MAPRE2: variants seen among roughly 807,000 people sequenced by gnomAD.
MAPRE2 encodes the protein microtubule-associated protein RP/EB family member 2.
Under a neutral mutation model 43.2 loss-of-function variants are expected in MAPRE2, and 13 were observed. That is an observed-to-expected ratio of 0.30 (90% CI 0.20 to 0.48). The LOEUF (loss-of-function observed/expected upper bound fraction) is 0.48, where lower values mean the gene tolerates loss of function less well. Ranked by LOEUF, MAPRE2 falls within the 20% of genes least tolerant of loss-of-function variation. The pLI is 0.99. For synonymous variants in MAPRE2, 135 were observed against 148.8 expected (o/e 0.91, Z 0.68); for missense variants, 161 against 400.2 (o/e 0.40, Z 5.10).
chr18:35,014,564 A>T (rs1317282386), intron 2 of MAPRE2, among the ~76,000 whole-genome samples: 2 of 152,098 alleles, frequency 1.3e-5, no homozygotes, highest in African/African-American at 4.8e-5. Flanking sequence ...CAATGTTGTA[A>T]GAGCCAAATG....
At chr18:35,111,185 C>G (rs1264969381) in intron 4 of MAPRE2, among the ~76,000 whole-genome samples, 1 of 152,062 alleles carries the variant, frequency 6.6e-6, no homozygotes, top group Non-Finnish European at 1.5e-5. Flanking sequence ...GATGTAAATT[C>G]AAGTTTACCC....
At chr18:35,138,182 C>T (rs556594) in intron 6 of MAPRE2, among the ~76,000 whole-genome samples, 14,491 of 152,074 alleles carry the variant, frequency 0.095, 825 homozygotes, top group African/African-American at 0.15. Flanking sequence ...GCTGTGATGC[C>T]CAGGGGTCTG....
intron 2 of MAPRE2, among the ~76,000 whole-genome samples, chr18:35,029,313 G>A (rs1741791581): frequency 6.6e-6 from 1 of 152,168 alleles, no homozygotes; most frequent in Non-Finnish European, 1.5e-5. Context: ...CCGGCCTCAT[G>A]TTCCCTTGAC....
rs1555909274 is a variant in MAPRE2, at chr18:34,981,892, T to TTTA, written c.-70+4815_-70+4816insATT. Among the ~76,000 whole-genome samples the TTTA allele has an allele frequency of 2.3e-4, 10 of 42,856 alleles. 1 individual carries two copies. The highest frequency in any genetic ancestry group is 9.4e-4 in the East Asian group (1 of 1,062). The allele number at this position is 42,856 out of a possible 152,430, so 28.1% of individuals were successfully genotyped here. On this transcript the variant is annotated intron_variant, in intron 1 of 7. Coordinates refer to the MAPRE2 transcript ENST00000413393. The stretch of plus-strand genomic sequence containing the variant: ...TTTTTTTTTTATTTTTATTTATTTT[T>TTTA]TTTTTTTTTTGAGACGGAGTCTCAC...
At chr18:35,133,081 G>T (rs1463617116) in intron 6 of MAPRE2, among the ~76,000 whole-genome samples, 1 of 152,152 alleles carries the variant, frequency 6.6e-6, no homozygotes, top group Non-Finnish European at 1.5e-5. Flanking sequence ...AGGGCCTCCA[G>T]TGGAGTTGTA....
intron 2 of MAPRE2, among the ~76,000 whole-genome samples, chr18:35,094,360 A>C (rs1305577008): frequency 6.6e-6 from 1 of 152,220 alleles, no homozygotes; most frequent in East Asian, 1.9e-4. Flanking sequence ...AAATTTAGGA[A>C]AATTTTGAGA....
chr18:35,123,395 T>A (rs1205152914), intron 4 of MAPRE2, among the ~76,000 whole-genome samples: 1 of 152,228 alleles, frequency 6.6e-6, no homozygotes, highest in Non-Finnish European at 1.5e-5. Flanking sequence ...TTTTTGTTGC[T>A]GACCTGCCTA....
At chr18:35,131,360 C>T (rs561213126) in intron 5 of MAPRE2, among the ~76,000 whole-genome samples, 33 of 152,266 alleles carry the variant, frequency 2.2e-4, no homozygotes, top group African/African-American at 7.7e-4. Flanking sequence ...GTTCAGGCTG[C>T]TAGAGCAGAG....
chr18:35,130,151 G>T (rs1362429655), intron 5 of MAPRE2, among the ~76,000 whole-genome samples: 1 of 135,806 alleles, frequency 7.4e-6, no homozygotes, highest in African/African-American at 3.5e-5. Flanking sequence ...ACAGGGGGCT[G>T]GGGGGGGGTG....
chr18:35,067,367 G>C (rs1454553341), intron 1 of MAPRE2, among the ~76,000 whole-genome samples: 1 of 152,208 alleles, frequency 6.6e-6, no homozygotes, highest in African/African-American at 2.4e-5. Flanking sequence ...CTGGAGGAAA[G>C]TGTGATTTAT....
chr18:35,036,777 A>T (rs1275190428), upstream of MAPRE2, among the ~76,000 whole-genome samples: 1 of 152,204 alleles, frequency 6.6e-6, no homozygotes, highest in Admixed American at 6.5e-5. Flanking sequence ...TGAGAATCAA[A>T]TCAAATGATA....
intron 1 of MAPRE2, among the ~76,000 whole-genome samples, chr18:34,979,112 C>A (rs72964280): frequency 0.027 from 4,175 of 152,266 alleles, 99 homozygotes; most frequent in Middle Eastern, 0.044. Flanking sequence ...ATGACTAACA[C>A]CCTGGGGCGG....
At chr18:35,137,310 G>T (rs1037594565) in intron 6 of MAPRE2, among the ~76,000 whole-genome samples, 3 of 152,202 alleles carry the variant, frequency 2.0e-5, no homozygotes, top group African/African-American at 7.2e-5. Context: ...GCTGCCCTGG[G>T]CATCTGGAAG....
At chr18:35,045,897 C>A (rs939543095) in intron 1 of MAPRE2, among the ~76,000 whole-genome samples, 3 of 152,174 alleles carry the variant, frequency 2.0e-5, no homozygotes, top group Non-Finnish European at 4.4e-5. Flanking sequence ...TTAGTACATG[C>A]CCAACTCTGG....
chr18:35,036,758 G>C (rs80013270), upstream of MAPRE2, among the ~76,000 whole-genome samples: 1,315 of 152,182 alleles, frequency 8.6e-3, 13 homozygotes, highest in Non-Finnish European at 0.013. Context: ...TTTCTCATTA[G>C]GGTTGTTGTG....
chr18:34,985,388 A>ATTT (rs1192750746), intron 1 of MAPRE2, among the ~76,000 whole-genome samples: 3 of 36,894 alleles, frequency 8.1e-5, no homozygotes, highest in African/African-American at 1.3e-4. Flanking sequence ...TATTTTATAT[A>ATTT]TATATAATAT....
intron 1 of MAPRE2, among the ~76,000 whole-genome samples, chr18:35,064,337 A>G (rs1335344442): frequency 1.3e-5 from 2 of 151,632 alleles, no homozygotes; most frequent in African/African-American, 4.9e-5. Context: ...ATATATGTAT[A>G]TATACTGTTT....
intron 1 of MAPRE2, among the ~76,000 whole-genome samples, chr18:34,977,777 G>A (rs1470035375): frequency 1.3e-5 from 2 of 152,172 alleles, no homozygotes; most frequent in Admixed American, 6.5e-5. Flanking sequence ...GCAGGGCGAG[G>A]GCTACTCAGC....
upstream of MAPRE2, among the ~76,000 whole-genome samples, chr18:35,040,063 T>C (rs1325097394): frequency 6.6e-6 from 1 of 152,128 alleles, no homozygotes; most frequent in Non-Finnish European, 1.5e-5. Context: ...ATTAGCTGGG[T>C]GTGGCGGCGT....
Sources: allele counts gnomAD v4.1 joint callset (sites outside exome capture counted in the v4.1 genomes callset), GRCh38; gene constraint gnomAD v4.1.1; transcripts MANE v1.5; gene names NCBI Gene and HGNC (gene_info 2026-07-23, HGNC 2026-07-21).